Variants in EPYC observed in about 807,000 individuals in gnomAD.
EPYC encodes the protein dermatan sulfate proteoglycan 3.
Under a neutral mutation model 30.1 loss-of-function variants are expected in EPYC, and 28 were observed. The observed-to-expected ratio is 0.93, with a 90% CI of 0.69 to 1.28. EPYC has a LOEUF of 1.28. EPYC is among the 50% of genes most tolerant of loss of function. The pLI is 0.00. For synonymous variants in EPYC, 144 were observed against 141.4 expected, an observed-to-expected ratio of 1.02 and a Z score of -0.13; for missense variants, 382 against 383.5, an observed-to-expected ratio of 1.00 and a Z score of 0.03.
At chr12:90,986,256 C>G (rs764498163) in intron 2 of EPYC, among the ~76,000 whole-genome samples, 18 of 152,090 alleles carry the variant, frequency 1.2e-4, no homozygotes, top group Non-Finnish European at 2.2e-4. Context: ...GACCCCACCA[C>G]TCTTCTTATC....
At chr12:90,998,381 A>C (rs1299792185) in intron 2 of EPYC, among the ~76,000 whole-genome samples, 3 of 152,138 alleles carry the variant, frequency 2.0e-5, no homozygotes, top group Non-Finnish European at 4.4e-5. Context: ...GTTGGGTCTA[A>C]AACTTGCTTC....
chr12:90,996,081 A>G (rs932661296), intron 2 of EPYC, among the ~76,000 whole-genome samples: 3 of 151,942 alleles, frequency 2.0e-5, no homozygotes, highest in Non-Finnish European at 2.9e-5. Context: ...TTTTAAATAT[A>G]AAGATAAGTA....
chr12:90,984,683 G>T (rs1218795772), intron 2 of EPYC, among the ~76,000 whole-genome samples: 1 of 152,208 alleles, frequency 6.6e-6, no homozygotes, highest in African/African-American at 2.4e-5. Context: ...ACATCTCACA[G>T]GAGGACCTCT....
intron 2 of EPYC, among the ~76,000 whole-genome samples, chr12:90,984,186 C>T (rs533069930): frequency 1.3e-5 from 2 of 152,090 alleles, no homozygotes; most frequent in Non-Finnish European, 2.9e-5. Flanking sequence ...TTTGAGAATG[C>T]ATTGGTAAGG....
intron 2 of EPYC, among the ~76,000 whole-genome samples, chr12:90,996,615 T>G (rs1472883592): frequency 6.6e-6 from 1 of 152,000 alleles, no homozygotes; most frequent in Non-Finnish European, 1.5e-5. Flanking sequence ...TTCTAGAGTT[T>G]TAAAAAATTC....
rs1281183768 is a variant in EPYC at position 90,964,190 on chromosome 12, C to T, written c.935G>A (p.Cys312Tyr). 1.2e-6 allele frequency: 2 copies of T among 1,612,756 alleles called. No individual in the cohort carries two copies. The highest frequency in any genetic ancestry group is 2.2e-5 in the East Asian group (1 of 44,828). The stretch of plus-strand genomic sequence containing the variant: ...GCTCCCAACAGGCAGACGAGGTAGA[C>T]ACATGTATGCTTGAGGAGTTTTGCT... ...NLSKTPQAYM[C>Y]LPRLPVGSLV Residue 312 changes from cysteine (C) to tyrosine (Y), a missense_variant, in exon 7 of 7, where the codon TGT becomes TAT. By Grantham distance (194) the Cys-to-Tyr change is radical (BLOSUM62 -2). Coordinates refer to ENST00000261172, the MANE Select transcript of EPYC (RefSeq NM_004950.5).
At chr12:90,975,850 A>C (rs537847746) in intron 3 of EPYC, among the ~76,000 whole-genome samples, 5 of 152,142 alleles carry the variant, frequency 3.3e-5, no homozygotes, top group Admixed American at 6.6e-5. Context: ...TCTGCTACAC[A>C]GAAATTTAAC....
intron 2 of EPYC, among the ~76,000 whole-genome samples, chr12:90,980,052 G>A (rs1168189463): frequency 6.6e-6 from 1 of 152,118 alleles, no homozygotes; most frequent in Non-Finnish European, 1.5e-5. Flanking sequence ...AAGACATACG[G>A]TTTCCATCTG....
At chr12:91,002,761 T>A (rs537434205) in intron 1 of EPYC, among the ~76,000 whole-genome samples, 183 bp from the exon 2 acceptor site, 1 of 104,588 alleles carries the variant, frequency 9.6e-6, no homozygotes, top group East Asian at 2.0e-4. Context: ...TGCTGCCAGA[T>A]GTTCAAATTA....
At chr12:90,996,626 A>G (rs1877698422) in intron 2 of EPYC, among the ~76,000 whole-genome samples, 1 of 151,996 alleles carries the variant, frequency 6.6e-6, no homozygotes, top group African/African-American at 2.4e-5. Flanking sequence ...TAAAAAATTC[A>G]TCATCTGTAA....
At chr12:90,990,844 A>G (rs1920765) in intron 2 of EPYC, among the ~76,000 whole-genome samples, 124,161 of 152,058 alleles carry the variant, frequency 0.82, 50,974 homozygotes, top group Non-Finnish European at 0.87. Context: ...GTGATTTATT[A>G]GACTTGACAA....
chr12:90,979,042 G>A (rs1877265243), intron 2 of EPYC, among the ~76,000 whole-genome samples: 1 of 152,058 alleles, frequency 6.6e-6, no homozygotes, highest in Non-Finnish European at 1.5e-5. Flanking sequence ...GATTACAACT[G>A]CTTTGCTCTT....
Position 91,002,361 on chromosome 12 carries a change from C to T in EPYC, c.165+40G>A, listed in dbSNP as rs201966285. On this transcript the variant is annotated intron_variant, in intron 2 of 6. Transcript: ENST00000261172. ...AAACAGACCCAAGTCATTCCTCATC[C>T]TATGCTTTTTAAAGTTTCAAGAGTA... is the stretch of plus-strand genomic sequence containing the variant. The T allele has an allele frequency of 3.2e-5, 50 of 1,581,398 alleles. No homozygotes were observed. The East Asian group carries it at 1.0e-3, about 33-fold the overall frequency.
intron 3 of EPYC, among the ~76,000 whole-genome samples, chr12:90,973,961 G>A (rs1877115707): frequency 6.6e-6 from 1 of 151,560 alleles, no homozygotes; most frequent in African/African-American, 2.4e-5. Context: ...AATTAGAGGA[G>A]GCAATGGAAC....
intron 2 of EPYC, among the ~76,000 whole-genome samples, chr12:90,999,369 A>G (rs1310836448): frequency 6.6e-6 from 1 of 152,116 alleles, no homozygotes; most frequent in Non-Finnish European, 1.5e-5. Context: ...AGAAACTGGT[A>G]CATATGTTAA....
intron 3 of EPYC, among the ~76,000 whole-genome samples, chr12:90,973,205 A>T (rs1015728854): frequency 2.6e-5 from 1 of 37,802 alleles, no homozygotes; most frequent in Non-Finnish European, 5.7e-5. Flanking sequence ...ATTTAAAATT[A>T]GTACTTTTCT....
At chr12:90,987,095 A>G (rs1289396834) in intron 2 of EPYC, among the ~76,000 whole-genome samples, 1 of 152,186 alleles carries the variant, frequency 6.6e-6, no homozygotes, top group Non-Finnish European at 1.5e-5. Flanking sequence ...TGAGAGTGAC[A>G]GAGCAGGAAT....
chr12:90,999,016 A>G (rs1437424576), intron 2 of EPYC, among the ~76,000 whole-genome samples: 1 of 152,056 alleles, frequency 6.6e-6, no homozygotes. Context: ...TCATCAACAC[A>G]CAGTTCACTT....
intron 2 of EPYC, among the ~76,000 whole-genome samples, chr12:91,000,999 A>G (rs1056621329): frequency 3.9e-5 from 6 of 152,170 alleles, no homozygotes; most frequent in Non-Finnish European, 7.4e-5. Flanking sequence ...AAATAAATCA[A>G]ACAGTGAATA....
Sources: gnomAD v4.1 joint callset for allele counts (sites outside exome capture counted in the v4.1 genomes callset) on GRCh38, gnomAD v4.1.1 for gene constraint, MANE v1.5 for transcripts, NCBI Gene and HGNC (gene_info 2026-07-23, HGNC 2026-07-21) for gene names.